The following PTPRM variants were observed in gnomAD, a reference collection of about 807,000 sequenced individuals.
PTPRM encodes receptor-type tyrosine-protein phosphatase mu.
A neutral mutation model predicts 186.7 loss-of-function variants in PTPRM; 47 were observed. That is an observed-to-expected ratio of 0.25 (90% CI 0.20 to 0.32). The LOEUF is 0.32. PTPRM is among the 10% of genes least tolerant of loss of function. PTPRM has a pLI of 1.00. For synonymous variants in PTPRM, 668 were observed against 674.9 expected (o/e 0.99, Z 0.16); for missense variants, 1,494 against 1,865.0 (o/e 0.80, Z 3.66).
At chr18:8,307,632 C>T (rs557788627) in intron 20 of PTPRM, among the ~76,000 whole-genome samples, 50 of 152,006 alleles carry the variant, frequency 3.3e-4, no homozygotes, top group African/African-American at 9.4e-4. Flanking sequence ...GGTGAAACCC[C>T]GTCTCTACTG....
At chr18:7,918,412 C>T (rs189313773) in intron 4 of PTPRM, among the ~76,000 whole-genome samples, 1 of 152,252 alleles carries the variant, frequency 6.6e-6, no homozygotes, top group East Asian at 1.9e-4. Flanking sequence ...TACTCCCTGT[C>T]ATTTTGATAA....
chr18:7,604,285 G>A (rs560913669), intron 1 of PTPRM, among the ~76,000 whole-genome samples: 8 of 152,326 alleles, frequency 5.3e-5, no homozygotes, highest in African/African-American at 1.4e-4. Flanking sequence ...GTGAGACACA[G>A]CGGCTGCCTG....
chr18:8,144,642 G>C (rs1289865642), intron 14 of PTPRM, among the ~76,000 whole-genome samples: 1 of 152,056 alleles, frequency 6.6e-6, no homozygotes, highest in African/African-American at 2.4e-5. Flanking sequence ...AAGAGCCAAG[G>C]GATAGTCTGG....
intron 1 of PTPRM, among the ~76,000 whole-genome samples, chr18:7,575,568 TCTG>T (rs1232536530): frequency 6.6e-6 from 1 of 152,230 alleles, no homozygotes; most frequent in African/African-American, 2.4e-5. Flanking sequence ...TTTTCTTTTT[TCTG>T]CTGTGTCATA....
At chr18:7,609,603 C>T (rs928647533) in intron 1 of PTPRM, among the ~76,000 whole-genome samples, 7 of 151,370 alleles carry the variant, frequency 4.6e-5, no homozygotes, top group South Asian at 2.1e-4. Flanking sequence ...ATTTACTGTC[C>T]GTGGAACTGA....
chr18:7,936,108 C>T (rs977564944), intron 5 of PTPRM, among the ~76,000 whole-genome samples: 8 of 152,188 alleles, frequency 5.3e-5, no homozygotes, highest in Non-Finnish European at 7.3e-5. Context: ...ATGGGGCTGG[C>T]GGGAACTGGG....
At chr18:8,306,043 G>A (rs188617502) in intron 20 of PTPRM, among the ~76,000 whole-genome samples, 214 of 151,998 alleles carry the variant, frequency 1.4e-3, no homozygotes, top group African/African-American at 4.5e-3. Context: ...GATTACAGGC[G>A]CGCATCACCA....
intron 9 of PTPRM, among the ~76,000 whole-genome samples, chr18:8,083,153 C>T (rs1354473628): frequency 2.6e-5 from 4 of 152,136 alleles, no homozygotes; most frequent in Non-Finnish European, 2.9e-5. Flanking sequence ...ACTTCAATTG[C>T]CCCACCAATC....
At chr18:7,930,368 C>T (rs752240806) in intron 5 of PTPRM, among the ~76,000 whole-genome samples, 4 of 152,182 alleles carry the variant, frequency 2.6e-5, no homozygotes, top group Non-Finnish European at 4.4e-5. Context: ...CCATGCCCGA[C>T]CTATTTACAA....
intron 4 of PTPRM, among the ~76,000 whole-genome samples, chr18:7,909,899 T>G (rs1375744435): frequency 6.6e-6 from 1 of 152,224 alleles, no homozygotes; most frequent in African/African-American, 2.4e-5. Context: ...ATATGACCAC[T>G]TCTAATAAAC....
chr18:7,897,337 C>CAT (rs1190154981), intron 3 of PTPRM, among the ~76,000 whole-genome samples: 1 of 152,190 alleles, frequency 6.6e-6, no homozygotes, highest in Non-Finnish European at 1.5e-5. Flanking sequence ...ACTTTGACTC[C>CAT]ATAAATTCCT....
intron 5 of PTPRM, among the ~76,000 whole-genome samples, chr18:7,944,005 C>G (rs549990568): frequency 2.9e-4 from 44 of 152,298 alleles, no homozygotes; most frequent in African/African-American, 1.0e-3. Context: ...ACTGACGACA[C>G]ACAGAACCTC....
At chr18:7,899,999 C>T (rs1036421679) in intron 3 of PTPRM, among the ~76,000 whole-genome samples, 4 of 148,042 alleles carry the variant, frequency 2.7e-5, no homozygotes, top group Non-Finnish European at 6.0e-5. Flanking sequence ...GTGAGGCTCC[C>T]CCATGGAGCG....
chr18:8,023,507 A>C (rs1327900392), intron 7 of PTPRM, among the ~76,000 whole-genome samples: 1 of 152,170 alleles, frequency 6.6e-6, no homozygotes, highest in African/African-American at 2.4e-5. Flanking sequence ...TTGCATTCAT[A>C]ACTTGGCATA....
chr18:7,677,138 T>C lies in PTPRM; in HGVS notation c.74-97011T>C, dbSNP rs776494782. Among the ~76,000 whole-genome samples, 5 of 152,328 alleles carry C rather than the reference T, an allele frequency of 3.3e-5. No homozygotes were observed. In the South Asian group the frequency reaches 8.3e-4, roughly 25 times the overall value. ...TCTTAAAATCTTTCTCTTTCAAAGC[T>C]GATGCAACAGTGGTGTAAAACCACG... On this transcript the variant is annotated intron_variant, in intron 1 of 32. Coordinates refer to ENST00000580170, the MANE Select transcript of PTPRM (RefSeq NM_001105244.2).
At chr18:7,874,487 A>G (rs990256347) in intron 2 of PTPRM, among the ~76,000 whole-genome samples, 2 of 152,132 alleles carry the variant, frequency 1.3e-5, no homozygotes, top group African/African-American at 4.8e-5. Flanking sequence ...TTCATCATCA[A>G]GTGAGGACAT....
At chr18:7,686,778 G>A (rs1568029394) in intron 1 of PTPRM, among the ~76,000 whole-genome samples, 1 of 152,106 alleles carries the variant, frequency 6.6e-6, no homozygotes, top group Non-Finnish European at 1.5e-5. Context: ...ATGGGTAAGT[G>A]ATCATGTTCT....
At chr18:7,838,630 A>C (rs1275231108) in intron 2 of PTPRM, among the ~76,000 whole-genome samples, 2 of 152,196 alleles carry the variant, frequency 1.3e-5, no homozygotes, top group Admixed American at 6.5e-5. Context: ...CCTGTACAGC[A>C]CTGGGTCTTT....
At chr18:7,801,338 G>A (rs1192405405) in intron 2 of PTPRM, among the ~76,000 whole-genome samples, 1 of 151,566 alleles carries the variant, frequency 6.6e-6, no homozygotes, top group Non-Finnish European at 1.5e-5. Flanking sequence ...TTGTTAAAAA[G>A]TAAGACCAAA....
Sources: gnomAD v4.1 joint callset for allele counts (sites outside exome capture counted in the v4.1 genomes callset) on GRCh38, gnomAD v4.1.1 for gene constraint, MANE v1.5 for transcripts, NCBI Gene and HGNC (gene_info 2026-07-23, HGNC 2026-07-21) for gene names.